Variants in NLRP13 observed in about 807,000 individuals in gnomAD.
The protein encoded by NLRP13 is NACHT, LRR and PYD domains-containing protein 13.
NLRP13 carries 82 observed loss-of-function variants against 94.4 expected under a neutral mutation model. The observed-to-expected ratio is 0.87, with a 90% CI of 0.73 to 1.04. The LOEUF is 1.04. Among genes scored for constraint, NLRP13 ranks in the 50% least tolerant of loss-of-function variants. The pLI is 0.00. For synonymous variants in NLRP13, 553 were observed against 464.7 expected (o/e 1.19, Z -2.45); for missense variants, 1,426 against 1,230.8 (o/e 1.16, Z -2.37).
At chr19:55,921,374 T>C (rs919272091) in intron 4 of NLRP13, among the ~76,000 whole-genome samples, 1 of 152,178 alleles carries the variant, frequency 6.6e-6, no homozygotes, top group African/African-American at 2.4e-5. Flanking sequence ...GTTACAGCCT[T>C]TTAGAGGATC....
At chr19:55,921,006 G>A (rs1335825235) in intron 4 of NLRP13, among the ~76,000 whole-genome samples, 1 of 152,116 alleles carries the variant, frequency 6.6e-6, no homozygotes, top group African/African-American at 2.4e-5. Context: ...AGTGAAGTAA[G>A]TCTGACACAG....
chr19:55,914,722 A>C (rs1238030149), intron 4 of NLRP13, among the ~76,000 whole-genome samples: 1 of 152,172 alleles, frequency 6.6e-6, no homozygotes, highest in Admixed American at 6.5e-5. Context: ...TTGTGTTGTC[A>C]CAAATGATAG....
intron 1 of NLRP13, 102 bp downstream of exon 1, chr19:55,931,891 G>A (rs1987155515): frequency 1.1e-6 from 1 of 907,122 alleles, no homozygotes; most frequent in African/African-American, 1.7e-5. Context: ...ATTTGTAGGG[G>A]GAGATCGGCA....
chr19:55,896,172 T>C lies in NLRP13; in HGVS notation c.2958-53A>G, dbSNP rs1413537161. On this transcript the variant is annotated intron_variant, in intron 10 of 10. Transcript: ENST00000342929. ...CAGATAGTCCTCTGAGACTGGGAAGTTAGAAAAGAGATACCACATCTGCAG... is the reference window on the plus strand; with the variant it reads ...CAGATAGTCCTCTGAGACTGGGAAGCTAGAAAAGAGATACCACATCTGCAG... The C allele has an allele frequency of 5.1e-6, 8 of 1,582,080 alleles. No individual in the cohort carries two copies. In the East Asian group the frequency reaches 1.6e-4, roughly 31 times the overall value.
intron 1 of NLRP13, among the ~76,000 whole-genome samples, chr19:55,926,707 A>G (rs2123146536): frequency 1.3e-5 from 2 of 152,312 alleles, no homozygotes; most frequent in Non-Finnish European, 2.9e-5. Context: ...CTCACTGCCC[A>G]TGCGGAGGGT....
chr19:55,898,775 T>C lies in NLRP13; in HGVS notation c.2952A>G (p.Thr984=). ...GGAGAACAGCATCAACTCACCCAAG[T>C]GTGTGCAATGCACGATGTGGTTTCA... is the stretch of plus-strand genomic sequence containing the variant. ...EALKPHRALH[T]LGLAKCNLTT... Residue 984 remains threonine, a synonymous_variant, in exon 10 of 11, where the codon ACA becomes ACG. Transcript: ENST00000342929. 1 of 1,605,348 alleles carries C rather than the reference T, an allele frequency of 6.2e-7. No individual in the cohort carries two copies. Among genetic ancestry groups the C allele is most frequent in the Non-Finnish European group, 8.5e-7 (1 of 1,176,308 alleles).
intron 7 of NLRP13, 140 bp downstream of exon 7, chr19:55,907,652 A>G (rs922810910): frequency 7.7e-6 from 6 of 783,490 alleles, no homozygotes; most frequent in Non-Finnish European, 1.3e-5. Flanking sequence ...GGCTCTACAC[A>G]TAGGAACATT....
chr19:55,904,697 C>G (rs1324374467), intron 8 of NLRP13, among the ~76,000 whole-genome samples: 1 of 152,096 alleles, frequency 6.6e-6, no homozygotes, highest in African/African-American at 2.4e-5. Context: ...TATGAGTTGA[C>G]CAAAAAATTC....
In NLRP13 at chr19:55,923,991, A is replaced by T; in HGVS notation, c.458-12T>A. 3 of 1,609,164 alleles carry T rather than the reference A, an allele frequency of 1.9e-6. No homozygotes were observed. The highest frequency in any genetic ancestry group is 2.6e-6 in the Non-Finnish European group (3 of 1,175,560). On this transcript the variant is annotated splice_polypyrimidine_tract_variant and intron_variant, in intron 3 of 10. Transcript: ENST00000342929. ...GGCCTGTACATTCCCTGAAATAAAC[A>T]GTGATGATGAGATATGAAAATACCC... is the stretch of plus-strand genomic sequence containing the variant.
At position 55,912,946 on chromosome 19, in the gene NLRP13, C is replaced by T. The variant is rs753708026; in HGVS notation, c.871G>A (p.Asp291Asn). The T allele has an allele frequency of 3.7e-6, 6 of 1,613,986 alleles. No homozygotes were observed. Among genetic ancestry groups the T allele is most frequent in the Admixed American group, 1.7e-5 (1 of 60,022 alleles). ...AACTCTTCAATGGGGGCATCAAAAT[C>T]GGGCCAATCCAAAGAAATCAATTCA... ...FAELISLDWPDFDAPIEEFMS... is the reference protein window; with the variant it reads ...FAELISLDWPNFDAPIEEFMS... Residue 291 changes from aspartate to asparagine, a missense_variant, in exon 5 of 11, where the codon GAT becomes AAT. Asp to Asn is a conservative substitution (Grantham distance 23, BLOSUM62 1). Coordinates refer to ENST00000342929, the MANE Select transcript of NLRP13 (RefSeq NM_176810.2).
At chr19:55,926,676 T>C (rs1244555967) in intron 1 of NLRP13, among the ~76,000 whole-genome samples, 3 of 152,184 alleles carry the variant, frequency 2.0e-5, no homozygotes, top group Non-Finnish European at 4.4e-5. Context: ...ATGTGGTCCC[T>C]GTTCCCATTG....
At chr19:55,910,852 G>T in intron 5 of NLRP13, 119 bp from the exon 6 acceptor site, 2 of 940,814 alleles carry the variant, frequency 2.1e-6, no homozygotes, top group Non-Finnish European at 3.1e-6. Context: ...TTCCTAATGT[G>T]GCTGGGTGCA....
intron 4 of NLRP13, among the ~76,000 whole-genome samples, chr19:55,919,952 CA>C (rs1417121358): frequency 1.3e-5 from 2 of 152,038 alleles, no homozygotes; most frequent in Non-Finnish European, 2.9e-5. Context: ...ATATAGTAAA[CA>C]AAACAGCATG....
chr19:55,931,152 C>T (rs866857154), intron 1 of NLRP13, among the ~76,000 whole-genome samples: 80 of 152,032 alleles, frequency 5.3e-4, no homozygotes, highest in African/African-American at 1.5e-3. Context: ...GATCTGAAAT[C>T]AGACAGAAAG....
chr19:55,912,842 G>A lies in NLRP13; in HGVS notation c.975C>T (p.Ser325=), dbSNP rs145223514. Residue 325 remains serine, a synonymous_variant, in exon 5 of 11, where the codon AGC becomes AGT. Coordinates refer to ENST00000342929, the MANE Select transcript of NLRP13 (RefSeq NM_176810.2). The stretch of plus-strand genomic sequence containing the variant: ...CTGTACATGGCGAGCCATCATCCAA[G>A]CTCTCAGAGCGTGACTCAGATATGA... ...EIIISESRSE[S]LDDGSPCTDW... is the part of the protein sequence containing the mutation. The A allele has an allele frequency of 7.5e-4, 1,204 of 1,614,170 alleles. 9 individuals are homozygous for A. The highest frequency in any genetic ancestry group is 1.3e-4 in the Non-Finnish European group (157 of 1,180,036).
chr19:55,909,188 T>TC (rs954686588), intron 6 of NLRP13, among the ~76,000 whole-genome samples: 83 of 151,854 alleles, frequency 5.5e-4, no homozygotes, highest in Middle Eastern at 6.8e-3. Context: ...CCTCTATAGT[T>TC]CCCCCCCGGC....
Position 55,912,877 on chromosome 19 carries a change from C to T in NLRP13, c.940G>A (p.Glu314Lys). The change falls in exon 5 of 11, where the codon GAG becomes AAG. Residue 314 changes from glutamate (E) to lysine (K), a missense_variant. By Grantham distance (56) the Glu-to-Lys change is moderately conservative (BLOSUM62 1). Coordinates refer to ENST00000342929, the MANE Select transcript of NLRP13 (RefSeq NM_176810.2). ...EKLLFIIDGFEEIIISESRSE... is the reference protein window; with the variant it reads ...EKLLFIIDGFKEIIISESRSE... ...CGTGACTCAGATATGATTATTTCCT[C>T]AAAGCCATCAATAATAAACAGGAGC... is the stretch of plus-strand genomic sequence containing the variant. 1 of 1,614,174 alleles carries T rather than the reference C, an allele frequency of 6.2e-7. No individual in the cohort carries two copies. The highest frequency in any genetic ancestry group is 8.5e-7 in the Non-Finnish European group (1 of 1,180,034).
chr19:55,899,304 C>T (rs553492276), intron 9 of NLRP13, among the ~76,000 whole-genome samples: 168 of 152,258 alleles, frequency 1.1e-3, no homozygotes, highest in African/African-American at 3.9e-3. Flanking sequence ...CAGGAATCTC[C>T]CATAACGGCA....
chr19:55,901,998 T>A (rs1474203985), intron 9 of NLRP13, 37 bp downstream of exon 9: 1 of 1,607,938 alleles, frequency 6.2e-7, no homozygotes, highest in Non-Finnish European at 8.5e-7. Context: ...ATGGCTCTCC[T>A]CCATCTGCCA....
Sources: gnomAD v4.1 joint callset for allele counts (sites outside exome capture counted in the v4.1 genomes callset) on GRCh38, gnomAD v4.1.1 for gene constraint, MANE v1.5 for transcripts, NCBI Gene and HGNC (gene_info 2026-07-23, HGNC 2026-07-21) for gene names.